Variants in CECR2 observed in about 807,000 individuals in gnomAD.
CECR2 encodes CECR2 histone acetyl-lysine reader.
CECR2 carries 30 observed loss-of-function variants against 154.5 expected under a neutral mutation model. That is an observed-to-expected ratio of 0.19 (90% CI 0.15 to 0.26). The LOEUF (loss-of-function observed/expected upper bound fraction) is 0.26. Ranked by LOEUF, CECR2 falls within the 10% of genes least tolerant of loss-of-function variation. The pLI, the probability that CECR2 is intolerant of heterozygous loss-of-function variation, is 1.00. For missense variants in CECR2, 1,743 were observed against 1,829.3 expected (o/e 0.95, Z 0.86); for synonymous variants, 725 against 683.7 (o/e 1.06, Z -0.94).
chr22:17,465,474 C>A (rs1433664927), intron 1 of CECR2, among the ~76,000 whole-genome samples: 1 of 151,870 alleles, frequency 6.6e-6, no homozygotes, highest in Non-Finnish European at 1.5e-5. Flanking sequence ...GGATTACAGG[C>A]ATTCACCACC....
chr22:17,395,688 T>G (rs1192820380), intron 1 of CECR2, among the ~76,000 whole-genome samples: 1 of 152,162 alleles, frequency 6.6e-6, no homozygotes, highest in Non-Finnish European at 1.5e-5. Flanking sequence ...TGAGTAGGAA[T>G]ATTATCCTGT....
intron 1 of CECR2, among the ~76,000 whole-genome samples, chr22:17,402,433 C>T (rs753419185): frequency 3.9e-5 from 6 of 152,178 alleles, no homozygotes; most frequent in Non-Finnish European, 7.3e-5. Flanking sequence ...ATATTTTACA[C>T]CAAATGGTCT....
At chr22:17,406,330 G>A (rs780608722) in intron 1 of CECR2, among the ~76,000 whole-genome samples, 1 of 152,206 alleles carries the variant, frequency 6.6e-6, no homozygotes, top group Non-Finnish European at 1.5e-5. Flanking sequence ...AGACCAGCCT[G>A]GCCAACATGA....
chr22:17,455,055 A>AT (rs2054832826), intron 1 of CECR2, among the ~76,000 whole-genome samples: 1 of 152,206 alleles, frequency 6.6e-6, no homozygotes, highest in Non-Finnish European at 1.5e-5. Flanking sequence ...TTGGCTAGCA[A>AT]CTTAGAACTT....
In CECR2 at chr22:17,513,251, A is replaced by T. The variant is rs1289313326; in HGVS notation, c.954+1355A>T. 7.9e-5 allele frequency among the ~76,000 whole-genome samples: 12 copies of T among 152,202 alleles called. No homozygotes were observed. The South Asian group carries it at 2.1e-3, about 26-fold the overall frequency. ...CTGTAGGAAGGGACAACACTTTTTA[A>T]CCGTTTATCCTTTGGGCACTCTTTC... On this transcript the variant is annotated intron_variant, in intron 8 of 18. Coordinates refer to ENST00000262608, the MANE Select transcript of CECR2 (RefSeq NM_001290047.2).
Position 17,462,781 on chromosome 22 carries a change from C to T in CECR2, c.127-14807C>T, listed in dbSNP as rs144300602. 1.6e-4 allele frequency among the ~76,000 whole-genome samples: 25 copies of T among 152,150 alleles called. No homozygotes were observed. In the South Asian group the frequency reaches 4.8e-3, roughly 29 times the overall value. On this transcript the variant is annotated intron_variant, in intron 1 of 18. Coordinates refer to ENST00000262608, the MANE Select transcript of CECR2 (RefSeq NM_001290047.2). Reference sequence around the variant, plus strand: ...ATCAAAAATCAGCTGGGTGTGGTGGCGAGCACCTGTAATCCCATCTACTCA... The same window carrying T: ...ATCAAAAATCAGCTGGGTGTGGTGGTGAGCACCTGTAATCCCATCTACTCA...
chr22:17,391,833 TCA>T (rs1012802959), intron 1 of CECR2, among the ~76,000 whole-genome samples: 22 of 152,338 alleles, frequency 1.4e-4, no homozygotes, highest in African/African-American at 5.3e-4. Context: ...AGACGGAGTC[TCA>T]CACTCTTACA....
chr22:17,435,686 A>T (rs1414302505), intron 1 of CECR2, among the ~76,000 whole-genome samples: 3 of 72,216 alleles, frequency 4.2e-5, no homozygotes, highest in African/African-American at 1.3e-4. Flanking sequence ...TTAATTCTTA[A>T]AAAAAAAAAA....
At chr22:17,366,876 G>A (rs1360993576), upstream of CECR2, among the ~76,000 whole-genome samples, 1 of 152,156 alleles carries the variant, frequency 6.6e-6, no homozygotes, top group Non-Finnish European at 1.5e-5. Context: ...GCCAGGATCC[G>A]TTCCAGAGGG....
intron 1 of CECR2, among the ~76,000 whole-genome samples, chr22:17,451,386 G>A (rs1353033413): frequency 4.6e-5 from 7 of 152,176 alleles, no homozygotes; most frequent in Non-Finnish European, 1.0e-4. Flanking sequence ...GCATTACTAG[G>A]TTAATTTATA....
At chr22:17,390,936 T>C (rs771260441) in intron 1 of CECR2, among the ~76,000 whole-genome samples, 10 of 152,206 alleles carry the variant, frequency 6.6e-5, no homozygotes, top group Non-Finnish European at 8.8e-5. Context: ...CTTTTCCTAT[T>C]TTATTTTGAG....
At chr22:17,448,458 C>T (rs959802776) in intron 1 of CECR2, among the ~76,000 whole-genome samples, 1 of 152,138 alleles carries the variant, frequency 6.6e-6, no homozygotes, top group Non-Finnish European at 1.5e-5. Context: ...GCAGTAGTTG[C>T]CTCCATTTGT....
intron 1 of CECR2, among the ~76,000 whole-genome samples, chr22:17,434,145 T>TA (rs975276843): frequency 3.0e-4 from 45 of 151,100 alleles, no homozygotes; most frequent in African/African-American, 9.2e-4. Context: ...TCCATGAGGG[T>TA]AAAAAAAAAT....
intron 1 of CECR2, among the ~76,000 whole-genome samples, chr22:17,415,950 C>T (rs2054151182): frequency 6.6e-6 from 1 of 152,178 alleles, no homozygotes; most frequent in Non-Finnish European, 1.5e-5. Flanking sequence ...GGGCTCATCA[C>T]CAAATCCAGA....
At chr22:17,447,033 C>CTGTTTTTTTT (rs1339121774) in intron 1 of CECR2, among the ~76,000 whole-genome samples, 1,193 of 114,006 alleles carry the variant, frequency 0.01, 227 homozygotes, top group African/African-American at 0.04. Flanking sequence ...CGTTTACAAT[C>CTGTTTTTTTT]TTTTTTTTTT....
chr22:17,519,295 T>G (rs76418622), intron 8 of CECR2, among the ~76,000 whole-genome samples: 31 of 123,530 alleles, frequency 2.5e-4, no homozygotes, highest in Admixed American at 2.3e-4. Context: ...GTTTTGTGTT[T>G]TTTTTTTTTT....
At chr22:17,505,097 C>G (rs2055814384) in intron 7 of CECR2, 81 bp downstream of exon 7, 1 of 1,333,886 alleles carries the variant, frequency 7.5e-7, no homozygotes, top group Non-Finnish European at 1.0e-6. Context: ...GAGACCTTCC[C>G]CATACACCCC....
At chr22:17,491,522 T>C (rs1168583262) in intron 2 of CECR2, among the ~76,000 whole-genome samples, 2 of 149,488 alleles carry the variant, frequency 1.3e-5, no homozygotes, top group Non-Finnish European at 1.5e-5. Context: ...GGCACATGAA[T>C]TTGTTTTAAG....
chr22:17,468,963 G>T (rs2055076916), intron 1 of CECR2, among the ~76,000 whole-genome samples: 1 of 152,110 alleles, frequency 6.6e-6, no homozygotes, highest in African/African-American at 2.4e-5. Context: ...GGGCAAGATG[G>T]CAAAACTCAC....
Sources: gnomAD v4.1 joint callset for allele counts (sites outside exome capture counted in the v4.1 genomes callset) on GRCh38, gnomAD v4.1.1 for gene constraint, MANE v1.5 for transcripts, NCBI Gene and HGNC (gene_info 2026-07-23, HGNC 2026-07-21) for gene names.